Variants in RRAGD observed in about 807,000 individuals in gnomAD.
The protein encoded by RRAGD is ras-related GTP-binding protein D.
RRAGD carries 12 observed loss-of-function variants against 35.5 expected under a neutral mutation model. The observed-to-expected ratio is 0.34, with a 90% CI of 0.22 to 0.55. RRAGD has a LOEUF of 0.55. Ranked by LOEUF, RRAGD falls within the 20% of genes least tolerant of loss-of-function variation. The pLI, the probability that RRAGD is intolerant of heterozygous loss-of-function variation, is 0.91. For synonymous variants in RRAGD, 155 were observed against 178.9 expected (o/e 0.87, Z 1.07); for missense variants, 324 against 490.1 (o/e 0.66, Z 3.20).
At chr6:89,391,956 C>CA (rs5878093) in intron 1 of RRAGD, among the ~76,000 whole-genome samples, 8,424 of 99,038 alleles carry the variant, frequency 0.085, 440 homozygotes, top group Middle Eastern at 0.11. Context: ...GACCCTATCT[C>CA]AAAAAAAAAA....
intron 1 of RRAGD, among the ~76,000 whole-genome samples, chr6:89,399,550 T>C (rs1397009537): frequency 1.3e-5 from 2 of 152,062 alleles, no homozygotes; most frequent in African/African-American, 4.8e-5. Context: ...GGAGGGCAAA[T>C]TGCTTGAGCC....
At chr6:89,384,775 C>T (rs1350811042) in intron 2 of RRAGD, among the ~76,000 whole-genome samples, 1 of 146,914 alleles carries the variant, frequency 6.8e-6, no homozygotes, top group African/African-American at 2.5e-5. Context: ...GATGGCGCCA[C>T]TGGACTCCAG....
chr6:89,377,580 A>C (rs1768969592), intron 5 of RRAGD, 91 bp downstream of exon 5: 9 of 1,175,258 alleles, frequency 7.7e-6, no homozygotes, highest in Non-Finnish European at 1.0e-5. Flanking sequence ...CAAAAATGTT[A>C]AAGTTAAGTA....
intron 2 of RRAGD, among the ~76,000 whole-genome samples, chr6:89,385,630 C>T (rs1273711558): frequency 6.6e-6 from 1 of 152,132 alleles, no homozygotes; most frequent in Non-Finnish European, 1.5e-5. Flanking sequence ...TGACAGCAGG[C>T]CCTGGACGTG....
intron 6 of RRAGD, among the ~76,000 whole-genome samples, chr6:89,371,413 C>T (rs550290990): frequency 1.3e-5 from 2 of 151,992 alleles, no homozygotes; most frequent in East Asian, 3.9e-4. Flanking sequence ...CACTTGGGCC[C>T]GGGTGGTCAA....
At chr6:89,388,566 C>T (rs879185552) in intron 1 of RRAGD, among the ~76,000 whole-genome samples, 23 of 152,264 alleles carry the variant, frequency 1.5e-4, no homozygotes, top group African/African-American at 5.1e-4. Flanking sequence ...ATAGCCACAT[C>T]CAGCAAGTGG....
In RRAGD at chr6:89,389,885, T is replaced by C. The variant is rs977755155; in HGVS notation, c.149-2295A>G. On this transcript the variant is annotated intron_variant, in intron 1 of 6. Transcript: ENST00000369415. ...CTTGATAATGAAAATAAACATCTCA[T>C]AGGGCTGTTACAATAAATGAGATCA... Among the ~76,000 whole-genome samples the C allele has an allele frequency of 2.6e-4, 39 of 152,178 alleles. 1 individual carries two copies. The highest frequency in any genetic ancestry group is 9.4e-4 in the African/African-American group (39 of 41,448).
chr6:89,383,264 G>A (rs1479255128), intron 2 of RRAGD, among the ~76,000 whole-genome samples: 1 of 152,140 alleles, frequency 6.6e-6, no homozygotes, highest in East Asian at 1.9e-4. Context: ...ATGTCTGTGA[G>A]CAAAACTACC....
chr6:89,404,298 C>T (rs1769537372), intron 1 of RRAGD, among the ~76,000 whole-genome samples: 1 of 152,144 alleles, frequency 6.6e-6, no homozygotes, highest in Non-Finnish European at 1.5e-5. Flanking sequence ...ACAACAAACA[C>T]TCAATAGATG....
chr6:89,370,894 G>A (rs537850788), intron 6 of RRAGD, among the ~76,000 whole-genome samples: 108 of 152,060 alleles, frequency 7.1e-4, no homozygotes, highest in African/African-American at 2.5e-3. Context: ...GAGAAACATC[G>A]ATAATTATTG....
chr6:89,367,969 TCTC>T lies in RRAGD; in HGVS notation c.*84_*86del, dbSNP rs1435704043. 8.3e-7 allele frequency: 1 copy of T among 1,204,544 alleles called. No homozygotes were observed. The highest frequency in any genetic ancestry group is 1.1e-6 in the Non-Finnish European group (1 of 882,884). The allele number at this position is 1,204,544 out of a possible 1,614,324, so 74.6% of individuals were successfully genotyped here. ...AACAAATCAATGGTATGTGTCCCAA[TCTC>T]CTTCTTCCTCTTCCTTTAGTGCAAC... On this transcript the variant is annotated 3_prime_UTR_variant, in exon 7 of 7. Coordinates refer to ENST00000369415, the MANE Select transcript of RRAGD (RefSeq NM_021244.5).
intron 1 of RRAGD, among the ~76,000 whole-genome samples, chr6:89,406,707 A>T (rs1769586186): frequency 6.6e-6 from 1 of 152,216 alleles, no homozygotes; most frequent in Non-Finnish European, 1.5e-5. Context: ...AGAACCCAGG[A>T]TACAGAAAGC....
At chr6:89,389,952 G>A (rs1259719971) in intron 1 of RRAGD, among the ~76,000 whole-genome samples, 1 of 152,154 alleles carries the variant, frequency 6.6e-6, no homozygotes, top group East Asian at 1.9e-4. Context: ...TTCAGCAAAT[G>A]GTGCTGGGCC....
At chr6:89,405,741 A>G (rs906199092) in intron 1 of RRAGD, among the ~76,000 whole-genome samples, 3 of 152,208 alleles carry the variant, frequency 2.0e-5, no homozygotes, top group Non-Finnish European at 2.9e-5. Context: ...TGGAATCAAC[A>G]AACGCTTAAG....
intron 1 of RRAGD, among the ~76,000 whole-genome samples, chr6:89,407,097 T>C (rs1769595881): frequency 6.6e-6 from 1 of 152,184 alleles, no homozygotes; most frequent in Admixed American, 6.5e-5. Context: ...CTTTACGCAG[T>C]CCTCTATTTT....
chr6:89,382,614 G>A (rs1054072137), intron 2 of RRAGD, among the ~76,000 whole-genome samples: 2 of 151,934 alleles, frequency 1.3e-5, no homozygotes, highest in Non-Finnish European at 1.5e-5. Context: ...GGTGGCTCAC[G>A]CCTGTAATCC....
At chr6:89,394,285 A>G (rs1183266944) in intron 1 of RRAGD, among the ~76,000 whole-genome samples, 1 of 152,174 alleles carries the variant, frequency 6.6e-6, no homozygotes, top group Admixed American at 6.5e-5. Flanking sequence ...TATAGGAACA[A>G]AAAGAGAAGT....
At chr6:89,389,716 G>A (rs565701511) in intron 1 of RRAGD, among the ~76,000 whole-genome samples, 9 of 152,128 alleles carry the variant, frequency 5.9e-5, no homozygotes, top group Non-Finnish European at 1.2e-4. Context: ...GACCAAGAGC[G>A]TGTATATTTC....
intron 2 of RRAGD, among the ~76,000 whole-genome samples, chr6:89,382,735 G>A (rs1478006210): frequency 1.3e-5 from 2 of 151,662 alleles, no homozygotes; most frequent in African/African-American, 4.8e-5. Context: ...AATTAGCTGG[G>A]CAGGGTGGCG....
Sources: gnomAD v4.1 joint callset for allele counts (sites outside exome capture counted in the v4.1 genomes callset) on GRCh38, gnomAD v4.1.1 for gene constraint, MANE v1.5 for transcripts, NCBI Gene and HGNC (gene_info 2026-07-23, HGNC 2026-07-21) for gene names.